The following VTI1A variants were observed in gnomAD, a reference collection of about 807,000 sequenced individuals.
The protein encoded by VTI1A is vesicle transport through interaction with t-SNAREs homolog 1A.
Under a neutral mutation model 34.9 loss-of-function variants are expected in VTI1A, and 22 were observed. The observed-to-expected ratio is 0.63, with a 90% CI of 0.45 to 0.90. The LOEUF (loss-of-function observed/expected upper bound fraction) is 0.90, where lower values mean the gene tolerates loss of function less well. Ranked by LOEUF, VTI1A falls within the 40% of genes least tolerant of loss-of-function variation. The probability of loss-of-function intolerance (pLI) is 0.00; values close to 1 mark genes in which losing one functional copy is unlikely to be tolerated. For synonymous variants in VTI1A, 87 were observed against 97.3 expected (o/e 0.89, Z 0.62); for missense variants, 268 against 275.6 (o/e 0.97, Z 0.20).
At chr10:112,496,967 G>A (rs1481463849) in intron 3 of VTI1A, among the ~76,000 whole-genome samples, 1 of 152,132 alleles carries the variant, frequency 6.6e-6, no homozygotes, top group Non-Finnish European at 1.5e-5. Context: ...GGGGGTAGAG[G>A]TAATGATGAT....
chr10:112,815,331 T>TCGTGGTCG lies in VTI1A; in HGVS notation c.609_610insGCGTGGTC (p.Ile204AlafsTer7). 1 of 1,614,156 alleles carries TCGTGGTCG rather than the reference T, an allele frequency of 6.2e-7. No homozygotes were observed. The highest frequency in any genetic ancestry group is 2.2e-5 in the East Asian group (1 of 44,878). ...ATCCTGCTCGTCATCCTAGGGATCA[T>TCGTGGTCG]CGTGGTCATCACCATCCTGATGGCG... On this transcript the variant is annotated frameshift_variant, in exon 8 of 8. Coordinates refer to ENST00000393077, the MANE Select transcript of VTI1A (RefSeq NM_145206.4). LOFTEE classifies it high-confidence loss of function.
At chr10:112,650,508 A>G (rs184808534) in intron 5 of VTI1A, among the ~76,000 whole-genome samples, 372 of 152,274 alleles carry the variant, frequency 2.4e-3, no homozygotes, top group African/African-American at 6.9e-3. Context: ...ATAATGATAA[A>G]AGCTATAGTA....
intron 5 of VTI1A, among the ~76,000 whole-genome samples, chr10:112,628,792 T>C (rs529960416): frequency 7.2e-5 from 11 of 152,274 alleles, no homozygotes; most frequent in African/African-American, 2.2e-4. Flanking sequence ...TTTTAAAATA[T>C]TATAATTATA....
chr10:112,792,541 A>G (rs926713694), intron 7 of VTI1A, among the ~76,000 whole-genome samples: 1 of 152,036 alleles, frequency 6.6e-6, no homozygotes, highest in African/African-American at 2.4e-5. Flanking sequence ...CTACACACAC[A>G]CCTAGGGCAC....
At chr10:112,849,008 T>C in the VTI1A span, among the ~76,000 whole-genome samples, 2 of 152,120 alleles carry the variant, frequency 1.3e-5, no homozygotes, top group African/African-American at 2.4e-5. Flanking sequence ...TGCACACATA[T>C]TGATCTGATG....
chr10:112,791,809 G>A (rs975057405), intron 7 of VTI1A, among the ~76,000 whole-genome samples: 1 of 143,462 alleles, frequency 7.0e-6, no homozygotes, highest in Non-Finnish European at 1.5e-5. Flanking sequence ...GCAAACTCCT[G>A]TAAAGTAAGA....
At chr10:112,717,871 A>G (rs964203154) in intron 7 of VTI1A, among the ~76,000 whole-genome samples, 1 of 152,192 alleles carries the variant, frequency 6.6e-6, no homozygotes, top group African/African-American at 2.4e-5. Context: ...TTTGGAAAAT[A>G]CAATCTGTCA....
chr10:112,547,257 C>T (rs1160266151), intron 5 of VTI1A, among the ~76,000 whole-genome samples: 2 of 151,702 alleles, frequency 1.3e-5, no homozygotes, highest in Non-Finnish European at 2.9e-5. Context: ...GTACTCCAGC[C>T]CAAGTAACAG....
chr10:112,564,677 A>C (rs1851848307), intron 5 of VTI1A, among the ~76,000 whole-genome samples: 1 of 152,132 alleles, frequency 6.6e-6, no homozygotes, highest in Admixed American at 6.5e-5. Flanking sequence ...ATTAGCAGCC[A>C]ACTCTGCATG....
At chr10:112,787,264 T>G (rs1852315336) in intron 7 of VTI1A, among the ~76,000 whole-genome samples, 1 of 152,218 alleles carries the variant, frequency 6.6e-6, no homozygotes, top group African/African-American at 2.4e-5. Flanking sequence ...ATTCCTGATA[T>G]TGGTCATTTG....
chr10:112,626,989 A>T (rs556096634), intron 5 of VTI1A, among the ~76,000 whole-genome samples: 15 of 152,348 alleles, frequency 9.8e-5, no homozygotes, highest in African/African-American at 3.4e-4. Context: ...TCGTCCACTA[A>T]TAGCCAATTA....
At chr10:112,697,399 C>CT (rs57723783) in intron 7 of VTI1A, among the ~76,000 whole-genome samples, 3,910 of 113,992 alleles carry the variant, frequency 0.034, 86 homozygotes, top group African/African-American at 0.057. Context: ...CTTTTCTTTT[C>CT]TTTTTTTTTT....
intron 7 of VTI1A, among the ~76,000 whole-genome samples, chr10:112,746,619 C>G (rs1433049663): frequency 1.3e-5 from 2 of 152,118 alleles, no homozygotes; most frequent in African/African-American, 4.8e-5. Context: ...TCCACGCTAA[C>G]AAGCGTGAAC....
chr10:112,471,151 AT>A (rs957225501), intron 3 of VTI1A, among the ~76,000 whole-genome samples: 2 of 152,094 alleles, frequency 1.3e-5, no homozygotes, highest in African/African-American at 4.8e-5. Context: ...GGGGTGGCAT[AT>A]TTTGGTTTTC....
intron 5 of VTI1A, among the ~76,000 whole-genome samples, chr10:112,631,620 A>G (rs1346075030): frequency 6.6e-6 from 1 of 152,172 alleles, no homozygotes; most frequent in Non-Finnish European, 1.5e-5. Context: ...GGTTGGGAAT[A>G]TTGATTTTAA....
At chr10:112,813,359 C>G (rs775165966) in intron 7 of VTI1A, among the ~76,000 whole-genome samples, 1 of 152,230 alleles carries the variant, frequency 6.6e-6, no homozygotes, top group Non-Finnish European at 1.5e-5. Context: ...GTCAACCAAG[C>G]TGTACAAGAG....
intron 5 of VTI1A, among the ~76,000 whole-genome samples, chr10:112,647,967 G>T (rs977880283): frequency 6.6e-6 from 1 of 151,972 alleles, no homozygotes; most frequent in Non-Finnish European, 1.5e-5. Context: ...ACCAAGTTTT[G>T]CCATGTTGCC....
chr10:112,447,156 G>T, upstream of VTI1A: 1 of 530,314 alleles, frequency 1.9e-6, no homozygotes. Context: ...TTATCTTAAA[G>T]TCGGAGCGGA....
At chr10:112,650,542 A>G (rs75350727) in intron 5 of VTI1A, among the ~76,000 whole-genome samples, 1,931 of 152,240 alleles carry the variant, frequency 0.013, 39 homozygotes, top group African/African-American at 0.043. Context: ...AACCAATAAC[A>G]TAGTTGTTTA....
Sources: gnomAD v4.1 joint callset for allele counts (sites outside exome capture counted in the v4.1 genomes callset) on GRCh38, gnomAD v4.1.1 for gene constraint, MANE v1.5 for transcripts, NCBI Gene and HGNC (gene_info 2026-07-23, HGNC 2026-07-21) for gene names.